Variants in SLC30A8 observed in about 807,000 individuals in gnomAD.
SLC30A8 encodes the protein proton-coupled zinc antiporter SLC30A8.
In SLC30A8, 27 loss-of-function variants were observed where a neutral mutation model predicts 36.9. The observed-to-expected ratio is 0.73, with a 90% confidence interval of 0.54 to 1.01. SLC30A8 has a LOEUF of 1.01. Among genes scored for constraint, SLC30A8 ranks in the 50% least tolerant of loss-of-function variants. The pLI, the probability that SLC30A8 is intolerant of heterozygous loss-of-function variation, is 0.00. For synonymous variants in SLC30A8, 164 were observed against 172.4 expected (o/e 0.95, Z 0.38); for missense variants, 439 against 452.0 (o/e 0.97, Z 0.26).
At chr8:117,052,938 G>A (rs376226984) in intron 2 of SLC30A8, among the ~76,000 whole-genome samples, 3 of 144,318 alleles carry the variant, frequency 2.1e-5, no homozygotes, top group Non-Finnish European at 4.5e-5. Context: ...ACGAAATCTC[G>A]TTCTGTCGCC....
intron 2 of SLC30A8, among the ~76,000 whole-genome samples, chr8:117,107,445 T>G (rs532945017): frequency 1.3e-5 from 2 of 152,274 alleles, no homozygotes; most frequent in African/African-American, 2.4e-5. Flanking sequence ...GATTAAGTAA[T>G]ATAATTTTAA....
At chr8:116,969,044 A>G (rs73312204) in intron 1 of SLC30A8, among the ~76,000 whole-genome samples, 4,317 of 152,156 alleles carry the variant, frequency 0.028, 193 homozygotes, top group African/African-American at 0.097. Flanking sequence ...CACAATGACT[A>G]TTTCTATTAT....
intron 1 of SLC30A8, among the ~76,000 whole-genome samples, chr8:117,017,062 G>A (rs114324017): frequency 4.4e-4 from 67 of 152,234 alleles, no homozygotes; most frequent in African/African-American, 1.4e-3. Context: ...CCTTGGGTAA[G>A]TCACTTTACT....
intron 1 of SLC30A8, among the ~76,000 whole-genome samples, chr8:117,011,086 CT>C (rs1262452244): frequency 6.6e-6 from 1 of 152,178 alleles, no homozygotes; most frequent in Non-Finnish European, 1.5e-5. Flanking sequence ...AAACTCTTAT[CT>C]ACTTCATCCT....
intron 1 of SLC30A8, among the ~76,000 whole-genome samples, chr8:116,990,333 C>G (rs1448856605): frequency 6.6e-6 from 1 of 152,044 alleles, no homozygotes; most frequent in African/African-American, 2.4e-5. Context: ...AAAAATAGCT[C>G]TACAGTGGAG....
chr8:116,986,690 A>G (rs959908937), intron 1 of SLC30A8, among the ~76,000 whole-genome samples: 1 of 152,142 alleles, frequency 6.6e-6, no homozygotes, highest in Non-Finnish European at 1.5e-5. Flanking sequence ...CTTCTCAGTC[A>G]TCAGCAACCA....
At chr8:117,063,759 C>T (rs1818087344) in intron 2 of SLC30A8, among the ~76,000 whole-genome samples, 2 of 152,128 alleles carry the variant, frequency 1.3e-5, no homozygotes, top group African/African-American at 4.8e-5. Flanking sequence ...TCTCAGTTGA[C>T]TGTCAAAAGG....
intron 2 of SLC30A8, 42 bp from the exon 3 acceptor site, chr8:117,152,902 A>G: frequency 7.0e-7 from 1 of 1,432,012 alleles, no homozygotes; most frequent in Non-Finnish European, 9.3e-7. Context: ...ATCTAGCTGC[A>G]TTCTGGGACC....
At chr8:117,153,541 T>C (rs1822301681) in intron 3 of SLC30A8, among the ~76,000 whole-genome samples, 1 of 152,180 alleles carries the variant, frequency 6.6e-6, no homozygotes. Context: ...ACACACAGCA[T>C]TTAGCCATTC....
At chr8:117,141,300 G>T (rs937756130) in intron 1 of SLC30A8, among the ~76,000 whole-genome samples, 6 of 151,994 alleles carry the variant, frequency 3.9e-5, no homozygotes, top group African/African-American at 1.4e-4. Flanking sequence ...ACTGAATCCA[G>T]CAACATATAA....
intron 2 of SLC30A8, among the ~76,000 whole-genome samples, chr8:117,122,535 T>G (rs1031093231): frequency 4.6e-5 from 7 of 152,054 alleles, no homozygotes; most frequent in Non-Finnish European, 1.0e-4. Context: ...TCTCCTTGTC[T>G]GTTCTCTTCA....
In SLC30A8 at chr8:117,176,401, T is replaced by G. The variant is rs1407730694; in HGVS notation, c.*3720T>G. ...ATTTTCTCAGCTCATCTCTCTGTAT[T>G]CCCTGTTTTGGATCACAGGGCAATC... On this transcript the variant is annotated 3_prime_UTR_variant, in exon 8 of 8. Coordinates refer to ENST00000456015, the MANE Select transcript of SLC30A8 (RefSeq NM_173851.3). The G allele has an allele frequency of 6.6e-6, 1 of 152,460 alleles. No homozygotes were observed. Among genetic ancestry groups the G allele is most frequent in the Non-Finnish European group, 1.5e-5 (1 of 67,982 alleles). The allele number at this position is 152,460 out of a possible 1,614,324, so 9.4% of individuals were successfully genotyped here.
intron 2 of SLC30A8, among the ~76,000 whole-genome samples, chr8:117,093,480 C>T (rs1345811503): frequency 6.6e-6 from 1 of 151,908 alleles, no homozygotes; most frequent in Non-Finnish European, 1.5e-5. Context: ...AGCCCCCTGC[C>T]ACTACTCCAC....
At chr8:116,957,040 T>G (rs1443547912) in intron 1 of SLC30A8, among the ~76,000 whole-genome samples, 1 of 152,152 alleles carries the variant, frequency 6.6e-6, no homozygotes, top group Admixed American at 6.5e-5. Flanking sequence ...ATACTACAGA[T>G]TATCATCTGT....
chr8:117,100,244 C>T (rs551542274), intron 2 of SLC30A8, among the ~76,000 whole-genome samples: 1 of 151,956 alleles, frequency 6.6e-6, no homozygotes, highest in Non-Finnish European at 1.5e-5. Context: ...ATTATTGTCA[C>T]CAGTTAATAG....
chr8:117,146,967 C>G lies in SLC30A8; in HGVS notation c.85C>G (p.Gln29Glu). 6.2e-7 allele frequency: 1 copy of G among 1,613,940 alleles called. No individual in the cohort carries two copies. Among genetic ancestry groups the G allele is most frequent in the Non-Finnish European group, 8.5e-7 (1 of 1,179,926 alleles). ...ACTCATCCATAGTGTGGAACTCCAACAGAAACCGGTGAATAAAGATCAGTG... is the reference window on the plus strand; with the variant it reads ...ACTCATCCATAGTGTGGAACTCCAAGAGAAACCGGTGAATAAAGATCAGTG... ...AFTLESVELQ[Q>E]KPVNKDQCPR... Residue 29 changes from glutamine (Q) to glutamate (E), a missense_variant, in exon 2 of 8, where the codon CAG becomes GAG. Physicochemically the swap from Gln to Glu is conservative, Grantham distance 29 (BLOSUM62 2). Coordinates refer to ENST00000456015, the MANE Select transcript of SLC30A8 (RefSeq NM_173851.3).
rs1336168212 is a variant in SLC30A8 at position 117,174,776 on chromosome 8, G to C, written c.*2095G>C. Reference sequence around the variant, plus strand: ...GAGGGAGATTTGTGTGTCAACCAAAGTAATTGTCCCATGGCCCCAGGGTAT... The same window carrying C: ...GAGGGAGATTTGTGTGTCAACCAAACTAATTGTCCCATGGCCCCAGGGTAT... On this transcript the variant is annotated 3_prime_UTR_variant, in exon 8 of 8. Transcript: ENST00000456015. 6.6e-6 allele frequency: 1 copy of C among 152,522 alleles called. No homozygotes were observed. Among genetic ancestry groups the C allele is most frequent in the Non-Finnish European group, 1.5e-5 (1 of 67,986 alleles). The allele number at this position is 152,522 out of a possible 1,614,324, so 9.4% of individuals were successfully genotyped here.
chr8:116,975,652 A>G (rs1198072947), intron 1 of SLC30A8, among the ~76,000 whole-genome samples: 1 of 152,246 alleles, frequency 6.6e-6, no homozygotes, highest in Admixed American at 6.5e-5. Flanking sequence ...TTCTGCATTT[A>G]GCAAGATTTC....
intron 1 of SLC30A8, among the ~76,000 whole-genome samples, chr8:117,016,206 G>A (rs13253360): frequency 0.14 from 21,778 of 152,188 alleles, 1,614 homozygotes; most frequent in East Asian, 0.18. Flanking sequence ...TCCCAGGAAA[G>A]TAGTTTGTGG....
Sources: gnomAD v4.1 joint callset for allele counts (sites outside exome capture counted in the v4.1 genomes callset) on GRCh38, gnomAD v4.1.1 for gene constraint, MANE v1.5 for transcripts, NCBI Gene and HGNC (gene_info 2026-07-23, HGNC 2026-07-21) for gene names.